Variants in TICRR observed in about 807,000 individuals in gnomAD.
TICRR encodes treslin.
TICRR carries 132 observed loss-of-function variants against 178.1 expected under a neutral mutation model. That is an observed-to-expected ratio of 0.74 (90% CI 0.64 to 0.86). The LOEUF (loss-of-function observed/expected upper bound fraction) is 0.86. TICRR is among the 40% of genes least tolerant of loss of function. The pLI is 0.00. For synonymous variants in TICRR, 991 were observed against 900.7 expected, an observed-to-expected ratio of 1.10 and a Z score of -1.79; for missense variants, 2,587 against 2,334.3, an observed-to-expected ratio of 1.11 and a Z score of -2.23.
At chr15:89,613,734 C>CTTTTTTTTTTTTTTTTT (rs34162195) in intron 15 of TICRR, among the ~76,000 whole-genome samples, 5 of 61,518 alleles carry the variant, frequency 8.1e-5, no homozygotes, top group African/African-American at 2.2e-4. Flanking sequence ...TTTCTATTCG[C>CTTTTTTTTTTTTTTTTT]TTTTTTTTTT....
intron 15 of TICRR, among the ~76,000 whole-genome samples, chr15:89,613,299 A>C (rs1963281455): frequency 6.6e-6 from 1 of 152,232 alleles, no homozygotes; most frequent in South Asian, 2.1e-4. Context: ...AGCAGCTGCT[A>C]ATCTCATCAA....
chr15:89,599,288 A>G (rs572920253), intron 7 of TICRR, 36 bp from the exon 8 acceptor site: 1 of 1,548,898 alleles, frequency 6.5e-7, no homozygotes, highest in Non-Finnish European at 8.8e-7. Flanking sequence ...CTTGAGCAAG[A>G]TATGATTAAT....
At chr15:89,626,135 C>T (rs532530068) in intron 21 of TICRR, 74 bp downstream of exon 21, 19 of 1,571,244 alleles carry the variant, frequency 1.2e-5, no homozygotes, top group South Asian at 8.3e-5. Flanking sequence ...CCAGGCAGCT[C>T]GATTCTAGAG....
At chr15:89,619,282 C>T (rs926940675) in intron 17 of TICRR, among the ~76,000 whole-genome samples, 1 of 129,102 alleles carries the variant, frequency 7.7e-6, no homozygotes, top group Non-Finnish European at 1.6e-5. Flanking sequence ...CTGGAGTGCA[C>T]TGGCATGCTC....
At chr15:89,584,263 G>T in intron 2 of TICRR, 23 bp from the exon 3 acceptor site, 4 of 1,563,288 alleles carry the variant, frequency 2.6e-6, no homozygotes, top group East Asian at 2.3e-5. Flanking sequence ...TGGCATCCTG[G>T]TCTAATTAAT....
intron 15 of TICRR, among the ~76,000 whole-genome samples, chr15:89,613,734 C>CTTTTTTTTTTTTTTT (rs34162195): frequency 4.9e-5 from 3 of 61,570 alleles, no homozygotes; most frequent in Admixed American, 3.3e-4. Flanking sequence ...TTTCTATTCG[C>CTTTTTTTTTTTTTTT]TTTTTTTTTT....
Position 89,575,585 on chromosome 15 carries a change from A to G in TICRR, c.-2A>G. On this transcript the variant is annotated 5_prime_UTR_variant, in exon 1 of 22. Coordinates refer to ENST00000268138, the MANE Select transcript of TICRR (RefSeq NM_152259.4). ...GGGCCCCGGGGCGGCGGCACGGCCGATATGGCATGCTGTCACAAAGTAATG... is the reference window on the plus strand; with the variant it reads ...GGGCCCCGGGGCGGCGGCACGGCCGGTATGGCATGCTGTCACAAAGTAATG... The G allele has an allele frequency of 6.8e-7, 1 of 1,472,282 alleles. No individual in the cohort carries two copies. Among genetic ancestry groups the G allele is most frequent in the Non-Finnish European group, 8.9e-7 (1 of 1,119,562 alleles). The allele number at this position is 1,472,282 out of a possible 1,614,324, so 91.2% of individuals were successfully genotyped here.
chr15:89,576,315 A>C lies in TICRR; in HGVS notation c.654+75A>C, dbSNP rs939700283. 5 of 1,379,616 alleles carry C rather than the reference A, an allele frequency of 3.6e-6. No homozygotes were observed. In the African/African-American group the frequency reaches 7.3e-5, roughly 20 times the overall value. 85.5% of individuals were successfully genotyped at this position (1,379,616 alleles called of 1,614,324 possible). A position where few individuals can be genotyped will look rare whatever the true frequency, so the allele number is the denominator to read the frequency against. On this transcript the variant is annotated intron_variant, in intron 1 of 21. Transcript: ENST00000268138. ...CTAACCAGAACTTGGCAGCGTCCTT[A>C]GAACAGCCACAGACCCCGAATGAGA...
At chr15:89,598,080 T>C (rs1161404252) in intron 7 of TICRR, among the ~76,000 whole-genome samples, 1 of 152,238 alleles carries the variant, frequency 6.6e-6, no homozygotes, top group South Asian at 2.1e-4. Flanking sequence ...TGTATTAATC[T>C]TGTATCCTGC....
chr15:89,594,626 C>T (rs1962966536), intron 6 of TICRR, 72 bp downstream of exon 6: 4 of 1,342,578 alleles, frequency 3.0e-6, no homozygotes, highest in East Asian at 5.1e-5. Flanking sequence ...ATGGGCATTT[C>T]CTGAAATGAG....
At chr15:89,611,888 A>T (rs1306737494) in intron 15 of TICRR, among the ~76,000 whole-genome samples, 1 of 152,024 alleles carries the variant, frequency 6.6e-6, no homozygotes, top group African/African-American at 2.4e-5. Context: ...TTAGTTTCTT[A>T]TATATGGTTT....
chr15:89,591,942 CT>C, intron 4 of TICRR, 104 bp from the exon 5 acceptor site: 1 of 1,001,832 alleles, frequency 1.0e-6, no homozygotes, highest in Non-Finnish European at 1.4e-6. Context: ...TTTGTATGTC[CT>C]TTGGAGGGAT....
intron 1 of TICRR, among the ~76,000 whole-genome samples, chr15:89,581,423 T>G (rs908446786): frequency 6.6e-6 from 1 of 152,154 alleles, no homozygotes; most frequent in African/African-American, 2.4e-5. Context: ...AATAAAAGTT[T>G]GTTGACAGAA....
At chr15:89,586,397 T>G (rs1258013789) in intron 4 of TICRR, among the ~76,000 whole-genome samples, 2 of 152,048 alleles carry the variant, frequency 1.3e-5, no homozygotes, top group South Asian at 2.1e-4. Context: ...TTTCTTTAAT[T>G]CATTCATTCA....
chr15:89,586,631 A>G (rs542208162), intron 4 of TICRR, among the ~76,000 whole-genome samples: 1 of 152,268 alleles, frequency 6.6e-6, no homozygotes, highest in East Asian at 1.9e-4. Context: ...GAGGGTTGCA[A>G]TTTTAAGTAG....
rs777245160 is a variant in TICRR, at chr15:89,575,782, C to T, written c.196C>T (p.Arg66Cys). ...CCGGCCGTCCCGCGTGTCTGACTTCCGCGAGCTGGGGTCCCGCTCGTGGGA... is the reference window on the plus strand; with the variant it reads ...CCGGCCGTCCCGCGTGTCTGACTTCTGCGAGCTGGGGTCCCGCTCGTGGGA... ...RSRPSRVSDFRELGSRSWEDF... is the reference protein window; with the variant it reads ...RSRPSRVSDFCELGSRSWEDF... Residue 66 changes from arginine to cysteine, a missense_variant, in exon 1 of 22, where the codon CGC becomes TGC. Transcript: ENST00000268138. The T allele has an allele frequency of 8.1e-6, 13 of 1,608,246 alleles. No homozygotes were observed. In the African/African-American group the frequency reaches 1.7e-4, roughly 21 times the overall value.
intron 14 of TICRR, among the ~76,000 whole-genome samples, chr15:89,608,351 T>G (rs1352097061): frequency 6.6e-6 from 1 of 152,056 alleles, no homozygotes; most frequent in Non-Finnish European, 1.5e-5. Context: ...AAGTAAAAAG[T>G]TTGAATTAGT....
At chr15:89,616,544 A>C (rs750816915) in intron 16 of TICRR, 49 bp downstream of exon 16, 10 of 1,511,162 alleles carry the variant, frequency 6.6e-6, no homozygotes, top group South Asian at 4.6e-5. Context: ...CACCACCTCA[A>C]AGCGGCCTTG....
At chr15:89,625,832 C>T (rs751429025) in intron 20 of TICRR, 46 bp downstream of exon 20, 2 of 1,561,832 alleles carry the variant, frequency 1.3e-6, no homozygotes, top group Non-Finnish European at 1.7e-6. Flanking sequence ...TTCTTTTGGT[C>T]AGAGTGCTTG....
Sources: allele counts gnomAD v4.1 joint callset (sites outside exome capture counted in the v4.1 genomes callset), GRCh38; gene constraint gnomAD v4.1.1; transcripts MANE v1.5; gene names NCBI Gene and HGNC (gene_info 2026-07-23, HGNC 2026-07-21).